Variants in RIMS1 observed in about 807,000 individuals in gnomAD.
The protein encoded by RIMS1 is regulating synaptic membrane exocytosis protein 1.
A neutral mutation model predicts 214.1 loss-of-function variants in RIMS1; 83 were observed. That is an observed-to-expected ratio of 0.39 (90% confidence interval 0.32 to 0.47). RIMS1 has a LOEUF of 0.47. Among genes scored for constraint, RIMS1 ranks in the 20% least tolerant of loss-of-function variants. The pLI, the probability that RIMS1 is intolerant of heterozygous loss-of-function variation, is 0.99. For synonymous variants in RIMS1, 793 were observed against 786.8 expected (o/e 1.01, Z -0.13); for missense variants, 2,050 against 2,161.8 (o/e 0.95, Z 1.03).
At chr6:72,184,709 A>C (rs1469331546) in intron 6 of RIMS1, among the ~76,000 whole-genome samples, 1 of 152,006 alleles carries the variant, frequency 6.6e-6, no homozygotes, top group Non-Finnish European at 1.5e-5. Flanking sequence ...AAAATTATTG[A>C]GGAGAAAGGA....
chr6:72,258,341 A>G, intron 17 of RIMS1, 60 bp downstream of exon 17: 2 of 1,414,164 alleles, frequency 1.4e-6, no homozygotes, highest in Non-Finnish European at 1.9e-6. Context: ...ATGCAGTGTA[A>G]ATTGCTGCAA....
chr6:71,980,893 G>A (rs1480364647), intron 2 of RIMS1, among the ~76,000 whole-genome samples: 1 of 152,046 alleles, frequency 6.6e-6, no homozygotes, highest in African/African-American at 2.4e-5. Context: ...TTTTGGGACT[G>A]GGAATTACCA....
intron 16 of RIMS1, among the ~76,000 whole-genome samples, chr6:72,254,008 G>A (rs1393801940): frequency 1.3e-5 from 2 of 152,102 alleles, no homozygotes; most frequent in Non-Finnish European, 2.9e-5. Flanking sequence ...TGGGACTACA[G>A]GTGTGCACCA....
At chr6:72,127,143 T>A (rs1322030717) in intron 4 of RIMS1, among the ~76,000 whole-genome samples, 1 of 152,186 alleles carries the variant, frequency 6.6e-6, no homozygotes, top group African/African-American at 2.4e-5. Context: ...TTTCCATATA[T>A]TTTGGTGCGT....
chr6:71,978,099 A>G (rs1024002774), intron 2 of RIMS1, among the ~76,000 whole-genome samples: 2 of 152,178 alleles, frequency 1.3e-5, no homozygotes, highest in Non-Finnish European at 2.9e-5. Flanking sequence ...GAGGGAGAAC[A>G]GAGAAGAGGA....
chr6:71,887,284 G>T, intron 1 of RIMS1, 97 bp downstream of exon 1: 14 of 1,477,626 alleles, frequency 9.5e-6, no homozygotes, highest in Non-Finnish European at 1.3e-5. Context: ...GTGGGGAAGG[G>T]GCTGCCAGGG....
rs946852723 is a variant in RIMS1 at position 72,182,721 on chromosome 6, C to T, written c.1250C>T (p.Ala417Val). The change falls in exon 6 of 34, where the codon GCC (alanine) becomes GTC (valine). Residue 417 changes from alanine to valine, a missense_variant. By Grantham distance (64) the Ala-to-Val change is moderately conservative (BLOSUM62 0). Transcript: ENST00000521978. Reference sequence around the variant, plus strand: ...GCCGGCAAACGCGCGCCGGCGGCAGCCAGGGCCTCGCCGCCGGACTCGCCG... The same window carrying T: ...GCCGGCAAACGCGCGCCGGCGGCAGTCAGGGCCTCGCCGCCGGACTCGCCG... ...GKAGKRAPAA[A>V]RASPPDSPRA... The T allele has an allele frequency of 3.0e-5, 46 of 1,531,674 alleles. No homozygotes were observed. In the African/African-American group the frequency reaches 3.9e-4, roughly 13 times the overall value. The allele number at this position is 1,531,674 out of a possible 1,614,324, so 94.9% of individuals were successfully genotyped here. A position where few individuals can be genotyped will look rare whatever the true frequency, so the allele number is the denominator to read the frequency against.
At chr6:72,121,983 T>G (rs2038440611) in intron 4 of RIMS1, among the ~76,000 whole-genome samples, 1 of 151,838 alleles carries the variant, frequency 6.6e-6, no homozygotes, top group African/African-American at 2.4e-5. Flanking sequence ...AGAACCAGCC[T>G]TGCATCCCAG....
At chr6:71,945,772 G>A (rs534498420) in intron 1 of RIMS1, among the ~76,000 whole-genome samples, 123 of 142,644 alleles carry the variant, frequency 8.6e-4, no homozygotes, top group African/African-American at 3.0e-3. Context: ...TTTTGGAGAT[G>A]GAGTTTCACT....
At chr6:71,992,830 T>C (rs1455930820) in intron 2 of RIMS1, among the ~76,000 whole-genome samples, 1 of 151,922 alleles carries the variant, frequency 6.6e-6, no homozygotes, top group Admixed American at 6.6e-5. Context: ...TGGCTAAGTT[T>C]TTGTATCTTT....
At position 72,295,178 on chromosome 6, in the gene RIMS1, A is replaced by T. The variant is rs192638576; in HGVS notation, c.3850+3132A>T. On this transcript the variant is annotated intron_variant, in intron 26 of 33. Transcript: ENST00000521978. Reference sequence around the variant, plus strand: ...TATATCTTCCATTATTATATCACCTATCTAAAACTCCAATGATATTCCTCT... The same window carrying T: ...TATATCTTCCATTATTATATCACCTTTCTAAAACTCCAATGATATTCCTCT... Among the ~76,000 whole-genome samples, 585 of 151,884 alleles carry T rather than the reference A, an allele frequency of 3.9e-3. 5 individuals carry two copies. Among genetic ancestry groups the T allele is most frequent in the African/African-American group, 0.012 (490 of 41,558 alleles).
intron 6 of RIMS1, among the ~76,000 whole-genome samples, chr6:72,214,479 A>T (rs1457954526): frequency 6.6e-6 from 1 of 152,180 alleles, no homozygotes; most frequent in Non-Finnish European, 1.5e-5. Context: ...CACGGTAATT[A>T]TACTAAATTA....
chr6:72,363,283 G>T (rs1194840075), intron 29 of RIMS1, among the ~76,000 whole-genome samples: 1 of 152,130 alleles, frequency 6.6e-6, no homozygotes, highest in Non-Finnish European at 1.5e-5. Flanking sequence ...TAGAGTATAG[G>T]GAGAAAGGGA....
In RIMS1 at chr6:71,906,800, A is replaced by G. The variant is rs1007746258; in HGVS notation, c.164+19613A>G. 4.6e-5 allele frequency among the ~76,000 whole-genome samples: 7 copies of G among 152,196 alleles called. No homozygotes were observed. The South Asian group carries it at 6.2e-4, about 13-fold the overall frequency. ...GGTGGGAGGAGCAAATAGGATAACA[A>G]TGGTAATATATTAAGAATACACTTA... On this transcript the variant is annotated intron_variant, in intron 1 of 33. Transcript: ENST00000521978.
At chr6:72,260,923 A>G in intron 19 of RIMS1, 156 bp downstream of exon 19, 3 of 1,482,288 alleles carry the variant, frequency 2.0e-6, no homozygotes, top group Admixed American at 2.1e-5. Context: ...GGTTATGGAA[A>G]AGGTTCCAAA....
At chr6:71,947,510 CA>C (rs1788222355) in intron 1 of RIMS1, among the ~76,000 whole-genome samples, 1 of 151,888 alleles carries the variant, frequency 6.6e-6, no homozygotes. Context: ...AACTCAGAAA[CA>C]AAGAATAAAA....
At chr6:72,252,232 T>C (rs2073733584) in intron 15 of RIMS1, among the ~76,000 whole-genome samples, 1 of 152,224 alleles carries the variant, frequency 6.6e-6, no homozygotes, top group Admixed American at 6.5e-5. Flanking sequence ...AAATATTTCA[T>C]GTTGATGCTT....
rs189769893 is a variant in RIMS1, at chr6:72,117,855, A to G, written c.471+17869A>G. ...TACCACAAATAGACAACCTAATGTC[A>G]CATCTCAAGGAACTAGAGAAACAAG... On this transcript the variant is annotated intron_variant, in intron 4 of 33. Transcript: ENST00000521978. 6.6e-3 allele frequency among the ~76,000 whole-genome samples: 1,003 copies of G among 152,182 alleles called. 6 individuals carry two copies. The highest frequency in any genetic ancestry group is 9.8e-3 in the Non-Finnish European group (664 of 67,962).
intron 1 of RIMS1, among the ~76,000 whole-genome samples, chr6:71,919,510 C>T (rs1259733009): frequency 1.3e-5 from 2 of 151,894 alleles, no homozygotes; most frequent in Non-Finnish European, 2.9e-5. Context: ...GTAAAGTTGT[C>T]TAGTAGGCAA....
Sources: gnomAD v4.1 joint callset for allele counts (sites outside exome capture counted in the v4.1 genomes callset) on GRCh38, gnomAD v4.1.1 for gene constraint, MANE v1.5 for transcripts, NCBI Gene and HGNC (gene_info 2026-07-23, HGNC 2026-07-21) for gene names.